The following NBEA variants were observed in gnomAD, a reference collection of about 807,000 sequenced individuals.
NBEA encodes the protein neurobeachin, also known as lysosomal-trafficking regulator 2.
A neutral mutation model predicts 343.4 loss-of-function variants in NBEA; 44 were observed. The observed-to-expected ratio is 0.13, with a 90% CI of 0.10 to 0.16. The LOEUF (loss-of-function observed/expected upper bound fraction) is 0.16. NBEA is among the 10% of genes least tolerant of loss of function. NBEA has a pLI of 1.00. For synonymous variants in NBEA, 1,175 were observed against 1,238.7 expected, an observed-to-expected ratio of 0.95 and a Z score of 1.08; for missense variants, 2,555 against 3,631.3, an observed-to-expected ratio of 0.70 and a Z score of 7.62.
chr13:35,354,940 G>C (rs1181254423), intron 38 of NBEA, among the ~76,000 whole-genome samples: 1 of 152,002 alleles, frequency 6.6e-6, no homozygotes, highest in Non-Finnish European at 1.5e-5. Flanking sequence ...TGAAAACTAA[G>C]CTTCTAATAT....
chr13:35,255,471 G>A (rs1423119555), intron 34 of NBEA, among the ~76,000 whole-genome samples: 3 of 152,234 alleles, frequency 2.0e-5, no homozygotes, highest in Admixed American at 1.3e-4. Context: ...GCGGGCAAGC[G>A]CAGGTTCCGG....
chr13:35,594,017 T>G (rs1422955789), intron 47 of NBEA, among the ~76,000 whole-genome samples: 1 of 152,142 alleles, frequency 6.6e-6, no homozygotes, highest in African/African-American at 2.4e-5. Flanking sequence ...CAGTTGGTAC[T>G]GCTTAACTAT....
At chr13:35,606,184 A>G (rs375196141) in intron 47 of NBEA, among the ~76,000 whole-genome samples, 64 of 152,296 alleles carry the variant, frequency 4.2e-4, no homozygotes, top group Middle Eastern at 3.5e-3. Flanking sequence ...TAAGATTGAA[A>G]ATAGGTAACA....
chr13:35,195,891 T>C lies in NBEA; in HGVS notation c.4955T>C (p.Ile1652Thr). Residue 1652 changes from isoleucine to threonine, a missense_variant, in exon 31 of 59, where the codon ATA becomes ACA. This residue lies in a region of NBEA where 270 missense variants were observed against 293.3 expected (regional missense o/e 0.92). Coordinates refer to ENST00000379939, the MANE Select transcript of NBEA (RefSeq NM_001385012.1). ...KETPAAFPDT[I>T]KEKETPTPGE... The stretch of plus-strand genomic sequence containing the variant: ...ACACCTGCTGCATTTCCAGACACCA[T>C]AAAAGAAAAAGAAACACCAACTCCT... 6.2e-7 allele frequency: 1 copy of C among 1,606,640 alleles called. No individual in the cohort carries two copies. The highest frequency in any genetic ancestry group is 8.5e-7 in the Non-Finnish European group (1 of 1,177,862).
At position 35,196,237 on chromosome 13, in the gene NBEA, C is replaced by T. The variant is rs752120621; in HGVS notation, c.5301C>T (p.Tyr1767=). The T allele has an allele frequency of 3.7e-6, 6 of 1,613,562 alleles. No individual in the cohort carries two copies. The South Asian group carries it at 6.6e-5, about 18-fold the overall frequency. ...IAECGPEPIP[Y]PDPALKRETQ... is the part of the protein sequence containing the mutation. The stretch of plus-strand genomic sequence containing the variant: ...AATGTGGCCCTGAACCTATCCCATA[C>T]CCAGATCCAGCATTGAAGAGAGAAA... The change falls in exon 31 of 59, where the codon TAC becomes TAT. Residue 1767 remains tyrosine, a synonymous_variant. Coordinates refer to ENST00000379939, the MANE Select transcript of NBEA (RefSeq NM_001385012.1).
At chr13:35,131,143 T>C (rs1241422936) in intron 17 of NBEA, among the ~76,000 whole-genome samples, 1 of 152,102 alleles carries the variant, frequency 6.6e-6, no homozygotes, top group Non-Finnish European at 1.5e-5. Context: ...AGCAAGACTA[T>C]TAAACAGAGT....
At chr13:34,981,043 C>T (rs1236766483) in intron 1 of NBEA, among the ~76,000 whole-genome samples, 4 of 152,146 alleles carry the variant, frequency 2.6e-5, no homozygotes, top group Admixed American at 6.5e-5. Flanking sequence ...ATTTCCGTTA[C>T]TCTCCAAATA....
chr13:35,603,836 A>G (rs540665296), intron 47 of NBEA, among the ~76,000 whole-genome samples: 238 of 152,262 alleles, frequency 1.6e-3, no homozygotes, highest in African/African-American at 5.2e-3. Flanking sequence ...TGTTATTGCT[A>G]TTGTGTCACA....
intron 41 of NBEA, among the ~76,000 whole-genome samples, chr13:35,509,124 C>A (rs1171726680): frequency 2.0e-5 from 3 of 152,164 alleles, no homozygotes; most frequent in African/African-American, 7.2e-5. Flanking sequence ...CTGTGTCTGG[C>A]GTATGCCTGC....
At chr13:35,312,224 C>T (rs2037417942) in intron 36 of NBEA, among the ~76,000 whole-genome samples, 1 of 152,088 alleles carries the variant, frequency 6.6e-6, no homozygotes, top group Non-Finnish European at 1.5e-5. Context: ...AATCGTACCA[C>T]AGAATAATTT....
At chr13:35,226,684 CTT>C (rs74262863) in intron 33 of NBEA, among the ~76,000 whole-genome samples, 1,475 of 132,102 alleles carry the variant, frequency 0.011, 15 homozygotes, top group African/African-American at 0.037. Context: ...TGTTCTACAT[CTT>C]TTTTTTTTTT....
chr13:34,995,173 C>A (rs1179728617), intron 1 of NBEA, among the ~76,000 whole-genome samples: 1 of 152,190 alleles, frequency 6.6e-6, no homozygotes, highest in Admixed American at 6.5e-5. Flanking sequence ...GAAAAACTGG[C>A]TGGGTGTGGT....
chr13:35,459,798 A>G (rs546884908), intron 40 of NBEA, among the ~76,000 whole-genome samples: 4 of 152,352 alleles, frequency 2.6e-5, no homozygotes, highest in African/African-American at 9.6e-5. Context: ...ATTAAAATAA[A>G]CTACAGAATT....
chr13:35,188,700 C>T (rs548955061), intron 30 of NBEA, among the ~76,000 whole-genome samples: 2 of 152,102 alleles, frequency 1.3e-5, no homozygotes, highest in African/African-American at 2.4e-5. Flanking sequence ...TTGGGGTGCA[C>T]ATACCTCTTT....
In NBEA at chr13:35,403,582, T is replaced by C. The variant is rs61948740; in HGVS notation, c.6180-28687T>C. Among the ~76,000 whole-genome samples, 909 of 152,188 alleles carry C rather than the reference T, an allele frequency of 6.0e-3. 6 individuals carry two copies. Among genetic ancestry groups the C allele is most frequent in the Non-Finnish European group, 9.3e-3 (633 of 67,994 alleles). ...GAAAGCTGAAACTGGATCCCTTCCT[T>C]ACACCTTATACAAAAATTAATTCAA... On this transcript the variant is annotated intron_variant, in intron 38 of 58. Coordinates refer to ENST00000379939, the MANE Select transcript of NBEA (RefSeq NM_001385012.1).
chr13:35,112,357 T>C (rs2066259974), intron 13 of NBEA, among the ~76,000 whole-genome samples: 1 of 152,134 alleles, frequency 6.6e-6, no homozygotes, highest in African/African-American at 2.4e-5. Context: ...TGTTAATTTG[T>C]TTAATAATAC....
intron 40 of NBEA, among the ~76,000 whole-genome samples, chr13:35,454,766 AG>A (rs1226116169): frequency 3.3e-5 from 5 of 152,182 alleles, no homozygotes; most frequent in Non-Finnish European, 7.3e-5. Context: ...AGGCTGAGGC[AG>A]GAGAATGGCA....
At chr13:35,511,841 C>T (rs1454774717) in intron 41 of NBEA, among the ~76,000 whole-genome samples, 1 of 152,056 alleles carries the variant, frequency 6.6e-6, no homozygotes, top group East Asian at 1.9e-4. Flanking sequence ...ATAGCAGTTA[C>T]CTCATTTATT....
intron 41 of NBEA, among the ~76,000 whole-genome samples, chr13:35,488,156 TAAGA>T (rs1025806800): frequency 5.9e-5 from 9 of 151,968 alleles, no homozygotes; most frequent in Non-Finnish European, 1.3e-4. Context: ...ATCATTATTT[TAAGA>T]ATCAATAGGC....
Sources: allele counts gnomAD v4.1 joint callset (sites outside exome capture counted in the v4.1 genomes callset), GRCh38; gene constraint gnomAD v4.1.1; regional missense constraint gnomAD v4.1.1; transcripts MANE v1.5; gene names NCBI Gene and HGNC (gene_info 2026-07-23, HGNC 2026-07-21).